ZNF566: variants seen among roughly 807,000 people sequenced by gnomAD.
The protein encoded by ZNF566 is zinc finger protein 566.
A neutral mutation model predicts 32.8 loss-of-function variants in ZNF566; 27 were observed. The observed-to-expected ratio is 0.82, with a 90% confidence interval of 0.61 to 1.14. The LOEUF is 1.14. Among genes scored for constraint, ZNF566 ranks in the 50% most tolerant of loss-of-function variants. The probability of loss-of-function intolerance (pLI) is 0.00; values close to 1 mark genes in which losing one functional copy is unlikely to be tolerated. For missense variants in ZNF566, 402 were observed against 490.4 expected (o/e 0.82, Z 1.70); for synonymous variants, 154 against 159.5 (o/e 0.97, Z 0.26).
Position 36,473,447 on chromosome 19 carries a change from C to T in ZNF566, c.21G>A (p.Met7Ile). ...AGAAGTCTACGGACACATCACTGAA[C>T]ATCACTGACTCCTGGAACAATAACC... MAQESV[M>I]FSDVSVDFSQ... The change falls in exon 3 of 5, where the codon ATG (methionine) becomes ATA (isoleucine). Residue 7 changes from methionine (M) to isoleucine (I), a missense_variant. Around this residue, in one of 3 missense-constraint regions of ZNF566, gnomAD observed 220 missense variants for 241.9 expected, o/e 0.91. Coordinates refer to ENST00000452939, the MANE Select transcript of ZNF566 (RefSeq NM_001145344.1). The T allele has an allele frequency of 6.2e-7, 1 of 1,602,920 alleles. No individual in the cohort carries two copies. The highest frequency in any genetic ancestry group is 8.5e-7 in the Non-Finnish European group (1 of 1,175,458).
chr19:36,449,897 A>T lies in ZNF566; in HGVS notation c.337T>A (p.Phe113Ile). 1.2e-6 allele frequency: 2 copies of T among 1,614,136 alleles called. No homozygotes were observed. The highest frequency in any genetic ancestry group is 1.7e-6 in the Non-Finnish European group (2 of 1,180,012). Residue 113 changes from phenylalanine to isoleucine, a missense_variant, in exon 5 of 5, where the codon TTT (phenylalanine) becomes ATT (isoleucine). By Grantham distance (21) the Phe-to-Ile change is conservative. This residue lies in a region of ZNF566 where 220 missense variants were observed against 241.9 expected (regional missense o/e 0.91). Transcript: ENST00000452939. ...TCATCTCTGAAACTGGAGCACTGAAAATCACGTCTTGTGAGTTTTTCCATT... is the reference window on the plus strand; with the variant it reads ...TCATCTCTGAAACTGGAGCACTGAATATCACGTCTTGTGAGTTTTTCCATT... ...EIMEKLTRRD[F>I]QCSSFRDDWE...
Position 36,445,785 on chromosome 19 carries a change from C to T in ZNF566, c.*3192G>A, listed in dbSNP as rs1002875338. ...AGTAAGCCAAGATTGCGCCATTGCACTCCAGCCTGGGAAACAAGAGTGAAA... is the reference window on the plus strand; with the variant it reads ...AGTAAGCCAAGATTGCGCCATTGCATTCCAGCCTGGGAAACAAGAGTGAAA... On this transcript the variant is annotated 3_prime_UTR_variant, in exon 5 of 5. Transcript: ENST00000452939. 6.6e-6 allele frequency: 1 copy of T among 152,210 alleles called. No individual in the cohort carries two copies. The highest frequency in any genetic ancestry group is 1.5e-5 in the Non-Finnish European group (1 of 68,056). The allele number at this position is 152,210 out of a possible 1,614,324, so 9.4% of individuals were successfully genotyped here.
intron 4 of ZNF566, among the ~76,000 whole-genome samples, chr19:36,465,968 G>A (rs932690817): frequency 1.3e-5 from 2 of 151,166 alleles, no homozygotes; most frequent in African/African-American, 4.9e-5. Flanking sequence ...ACACACAGAC[G>A]TTTTATGTCA....
intron 1 of ZNF566, among the ~76,000 whole-genome samples, chr19:36,487,559 A>T (rs1568536649): frequency 6.6e-6 from 1 of 152,214 alleles, no homozygotes; most frequent in Non-Finnish European, 1.5e-5. Context: ...TAACAAAAGA[A>T]GCCTGGCATA....
intron 1 of ZNF566, among the ~76,000 whole-genome samples, chr19:36,482,536 A>G (rs945517145): frequency 6.6e-6 from 1 of 152,146 alleles, no homozygotes; most frequent in African/African-American, 2.4e-5. Flanking sequence ...AAAGAGTGGC[A>G]AAGAAAAGAA....
Position 36,449,825 on chromosome 19 carries a change from C to T in ZNF566, c.409G>A (p.Gly137Arg), listed in dbSNP as rs2033103240. Residue 137 changes from glycine (G) to arginine (R), a missense_variant, in exon 5 of 5, where the codon GGA becomes AGA. This residue lies in a region of ZNF566 where 220 missense variants were observed against 241.9 expected (regional missense o/e 0.91). Transcript: ENST00000452939. ...QFKKELGSQG[G>R]HFNQLVFTHE... ...GTGAATACCAATTGATTGAAATGTCCCCCCTGAGAGCCGAGTTCTTTCTTA... is the reference window on the plus strand; with the variant it reads ...GTGAATACCAATTGATTGAAATGTCTCCCCTGAGAGCCGAGTTCTTTCTTA... The T allele has an allele frequency of 2.5e-6, 4 of 1,613,970 alleles. No individual in the cohort carries two copies. Among genetic ancestry groups the T allele is most frequent in the Admixed American group, 3.3e-5 (2 of 59,980 alleles).
chr19:36,469,525 A>T (rs1469088349), intron 4 of ZNF566, among the ~76,000 whole-genome samples: 55 of 151,986 alleles, frequency 3.6e-4, no homozygotes, highest in African/African-American at 1.2e-3. Context: ...GGGTAACAAG[A>T]GCGAAACTCC....
intron 4 of ZNF566, among the ~76,000 whole-genome samples, chr19:36,450,625 GAGTGAGTCACTGTCTCAATAGAT>G (rs1172772660): frequency 6.6e-6 from 1 of 152,094 alleles, no homozygotes; most frequent in Non-Finnish European, 1.5e-5. Context: ...CTGGGCAACA[GAGTGAGTCACTGTCTCAATAGAT>G]AGATAAATAA....
rs1335204863 is a variant in ZNF566, at chr19:36,449,248, T to C, written c.986A>G (p.His329Arg). Reference protein sequence around the residue: ...AFSQSSQLIKHQRIHTGEKPY... With the variant: ...AFSQSSQLIKRQRIHTGEKPY... ...TTTCTCACCTGTATGGATTCTTTGA[T>C]GTTTAATAAGTTGTGAGCTCTGACT... Residue 329 changes from histidine to arginine, a missense_variant, in exon 5 of 5, where the codon CAT becomes CGT. This residue lies in a region of ZNF566 where 135 missense variants were observed against 210.0 expected (regional missense o/e 0.64). Coordinates refer to ENST00000452939, the MANE Select transcript of ZNF566 (RefSeq NM_001145344.1). 1 of 1,614,174 alleles carries C rather than the reference T, an allele frequency of 6.2e-7. No individual in the cohort carries two copies. Among genetic ancestry groups the C allele is most frequent in the Non-Finnish European group, 8.5e-7 (1 of 1,180,018 alleles).
rs1288396775 is a variant in ZNF566 at position 36,489,502 on chromosome 19, A to C, written c.-76T>G. Reference sequence around the variant, plus strand: ...AGGCCTTACCAGCTTTCGAAGCAGCAGAACCCTCCCCGGCACTGGGGTAGT... The same window carrying C: ...AGGCCTTACCAGCTTTCGAAGCAGCCGAACCCTCCCCGGCACTGGGGTAGT... On this transcript the variant is annotated 5_prime_UTR_variant, in exon 1 of 5. Coordinates refer to ENST00000452939, the MANE Select transcript of ZNF566 (RefSeq NM_001145344.1). The C allele has an allele frequency of 2.9e-6, 1 of 344,256 alleles. No individual in the cohort carries two copies. The highest frequency in any genetic ancestry group is 8.0e-5 in the East Asian group (1 of 12,486). The allele number at this position is 344,256 out of a possible 1,614,324, so 21.3% of individuals were successfully genotyped here. A position where few individuals can be genotyped will look rare whatever the true frequency, so the allele number is the denominator to read the frequency against.
At chr19:36,476,357 C>CT (rs36152613) in intron 2 of ZNF566, 192 bp downstream of exon 2, 119,764 of 398,792 alleles carry the variant, frequency 0.3, 16,928 homozygotes, top group African/African-American at 0.42. Context: ...GTAATCAATT[C>CT]TTTTTTTTTC....
At chr19:36,474,429 G>A (rs1422399689) in intron 2 of ZNF566, among the ~76,000 whole-genome samples, 6 of 152,188 alleles carry the variant, frequency 3.9e-5, no homozygotes, top group Admixed American at 2.0e-4. Context: ...CCATGAGCTC[G>A]CTTGGCAGAG....
intron 4 of ZNF566, among the ~76,000 whole-genome samples, chr19:36,460,947 T>C (rs1219049221): frequency 6.6e-6 from 1 of 152,216 alleles, no homozygotes; most frequent in African/African-American, 2.4e-5. Context: ...TCCAGAATTT[T>C]GTATCTACCA....
chr19:36,489,079 C>T (rs959202330), intron 1 of ZNF566, among the ~76,000 whole-genome samples: 1 of 152,148 alleles, frequency 6.6e-6, no homozygotes, highest in African/African-American at 2.4e-5. Flanking sequence ...CACACATTAA[C>T]CACAGCCACA....
chr19:36,481,489 A>G (rs1480136694), intron 1 of ZNF566, among the ~76,000 whole-genome samples: 1 of 147,194 alleles, frequency 6.8e-6, no homozygotes, highest in East Asian at 1.9e-4. Flanking sequence ...AAAAAAAAAA[A>G]AAAAAAGAAA....
rs775154786 is a variant in ZNF566, at chr19:36,477,803, C to T, written c.-59-1187G>A. 8.4e-4 allele frequency among the ~76,000 whole-genome samples: 127 copies of T among 151,812 alleles called. 1 individual carries two copies. The highest frequency in any genetic ancestry group is 1.6e-3 in the Non-Finnish European group (108 of 67,976). ...TGCTGGGATTATAAGCGTGAGACAC[C>T]ACACCCAGCCTTGTGTGTATTCTTT... On this transcript the variant is annotated intron_variant, in intron 1 of 4. Coordinates refer to ENST00000452939, the MANE Select transcript of ZNF566 (RefSeq NM_001145344.1).
At chr19:36,468,854 C>A (rs551283949) in intron 4 of ZNF566, among the ~76,000 whole-genome samples, 1 of 151,156 alleles carries the variant, frequency 6.6e-6, no homozygotes, top group Non-Finnish European at 1.5e-5. Context: ...GTGGTCAAGA[C>A]TGCAGTGAGC....
chr19:36,452,314 A>G (rs1393808833), intron 4 of ZNF566, among the ~76,000 whole-genome samples: 1 of 151,956 alleles, frequency 6.6e-6, no homozygotes. Flanking sequence ...ATATGATGAA[A>G]AGAAAAAATG....
intron 4 of ZNF566, among the ~76,000 whole-genome samples, chr19:36,470,153 C>T (rs1428531976): frequency 1.3e-5 from 2 of 152,272 alleles, no homozygotes; most frequent in East Asian, 1.9e-4. Context: ...TAGGGGATTT[C>T]ATCCAGTCAC....
Sources: allele counts gnomAD v4.1 joint callset (sites outside exome capture counted in the v4.1 genomes callset), GRCh38; gene constraint gnomAD v4.1.1; regional missense constraint gnomAD v4.1.1; transcripts MANE v1.5; gene names NCBI Gene and HGNC (gene_info 2026-07-23, HGNC 2026-07-21).